ZNF704: variants seen among roughly 807,000 people sequenced by gnomAD.
ZNF704 encodes glucocorticoid induced gene 1.
Under a neutral mutation model 44.7 loss-of-function variants are expected in ZNF704, and 10 were observed. The ratio of observed to expected loss-of-function variants is 0.22; its 90% CI spans 0.14 to 0.38. The LOEUF (loss-of-function observed/expected upper bound fraction) is 0.38. Among genes scored for constraint, ZNF704 ranks in the 10% least tolerant of loss-of-function variants. The pLI is 1.00. For missense variants in ZNF704, 390 were observed against 545.5 expected (o/e 0.71, Z 2.84); for synonymous variants, 211 against 207.6 (o/e 1.02, Z -0.14).
chr8:80,683,761 A>C (rs1221910781), intron 4 of ZNF704, among the ~76,000 whole-genome samples: 3 of 152,212 alleles, frequency 2.0e-5, no homozygotes, highest in Non-Finnish European at 4.4e-5. Flanking sequence ...TTATCAGCAA[A>C]TATTTCCTCC....
At chr8:80,710,970 T>C (rs552698618) in intron 2 of ZNF704, among the ~76,000 whole-genome samples, 1 of 152,222 alleles carries the variant, frequency 6.6e-6, no homozygotes, top group African/African-American at 2.4e-5. Flanking sequence ...GTACCAGGCA[T>C]GTGAGCTGCA....
chr8:80,777,434 C>T (rs1807432930), intron 2 of ZNF704, among the ~76,000 whole-genome samples: 1 of 152,178 alleles, frequency 6.6e-6, no homozygotes, highest in Non-Finnish European at 1.5e-5. Context: ...GTCAAACCTA[C>T]AGAAAAGCTA....
Position 80,729,571 on chromosome 8 carries a change from T to C in ZNF704, c.222-36464A>G, listed in dbSNP as rs188183850. On this transcript the variant is annotated intron_variant, in intron 2 of 8. Transcript: ENST00000327835. ...GGTCCCAGAGAGTAATCCTGCTTCATTGAATTAAGTGGGAGTCAATCATTT... is the reference window on the plus strand; with the variant it reads ...GGTCCCAGAGAGTAATCCTGCTTCACTGAATTAAGTGGGAGTCAATCATTT... 1.3e-3 allele frequency among the ~76,000 whole-genome samples: 203 copies of C among 152,250 alleles called. 3 individuals are homozygous for C. The highest frequency in any genetic ancestry group is 4.6e-3 in the African/African-American group (191 of 41,538).
chr8:80,654,101 A>G (rs1331232665), intron 7 of ZNF704, among the ~76,000 whole-genome samples: 3 of 152,242 alleles, frequency 2.0e-5, no homozygotes, highest in Admixed American at 2.0e-4. Context: ...AGGATTCCCT[A>G]TTTAATAAAT....
intron 1 of ZNF704, among the ~76,000 whole-genome samples, chr8:80,828,811 T>G (rs1808421947): frequency 6.6e-6 from 1 of 152,222 alleles, no homozygotes; most frequent in South Asian, 2.1e-4. Context: ...ACATGCATGC[T>G]GAAGTCACTG....
At chr8:80,687,634 A>G (rs1818562750) in intron 3 of ZNF704, among the ~76,000 whole-genome samples, 176 bp from the exon 4 acceptor site, 2 of 152,166 alleles carry the variant, frequency 1.3e-5, no homozygotes, top group Admixed American at 1.3e-4. Flanking sequence ...CAAAAGCCAC[A>G]TTGTAGTTTA....
chr8:80,870,662 C>A (rs1194195038), intron 1 of ZNF704, among the ~76,000 whole-genome samples: 5 of 152,168 alleles, frequency 3.3e-5, no homozygotes, highest in Admixed American at 6.5e-5. Context: ...TGTTTGCTGG[C>A]TTCTCCATTT....
At chr8:80,820,925 A>G (rs1480104800) in intron 2 of ZNF704, among the ~76,000 whole-genome samples, 1 of 151,996 alleles carries the variant, frequency 6.6e-6, no homozygotes, top group Non-Finnish European at 1.5e-5. Flanking sequence ...AAAAAAAAAA[A>G]GTAAAACCAT....
chr8:80,804,470 T>C (rs1273892511), intron 2 of ZNF704, among the ~76,000 whole-genome samples: 2 of 152,220 alleles, frequency 1.3e-5, no homozygotes, highest in African/African-American at 2.4e-5. Flanking sequence ...GTGATACATA[T>C]ATACCATGGA....
chr8:80,738,378 A>G (rs889720374), intron 2 of ZNF704, among the ~76,000 whole-genome samples: 9 of 152,194 alleles, frequency 5.9e-5, no homozygotes, highest in African/African-American at 1.7e-4. Context: ...CTTTTGTAAA[A>G]AAGGTTTTTA....
At chr8:80,825,554 C>T (rs377689946) in intron 1 of ZNF704, among the ~76,000 whole-genome samples, 1 of 152,192 alleles carries the variant, frequency 6.6e-6, no homozygotes, top group Non-Finnish European at 1.5e-5. Context: ...AGGAATTGAA[C>T]TCAGCTCTGC....
chr8:80,687,097 G>A (rs543940506), intron 4 of ZNF704, 129 bp downstream of exon 4: 3 of 724,960 alleles, frequency 4.1e-6, no homozygotes, highest in South Asian at 3.6e-5. Context: ...CATTAAAGAG[G>A]AACGTAAGCT....
chr8:80,718,625 T>C (rs1159435505), intron 2 of ZNF704, among the ~76,000 whole-genome samples: 2 of 152,144 alleles, frequency 1.3e-5, no homozygotes, highest in Non-Finnish European at 2.9e-5. Context: ...CCAAGGCAGA[T>C]GAGAGTCATG....
chr8:80,876,242 C>T (rs1809354884), upstream of ZNF704, among the ~76,000 whole-genome samples: 1 of 152,088 alleles, frequency 6.6e-6, no homozygotes, highest in African/African-American at 2.4e-5. Context: ...TGTAAATATT[C>T]TGTTCAGGAA....
chr8:80,766,436 C>T (rs1213698579), intron 2 of ZNF704, among the ~76,000 whole-genome samples: 2 of 152,180 alleles, frequency 1.3e-5, no homozygotes, highest in Non-Finnish European at 2.9e-5. Flanking sequence ...TGTCTAGCTG[C>T]ACCCCTGTCC....
intron 2 of ZNF704, among the ~76,000 whole-genome samples, chr8:80,756,882 C>T (rs893017292): frequency 5.3e-5 from 8 of 152,130 alleles, no homozygotes; most frequent in Non-Finnish European, 8.8e-5. Flanking sequence ...GCTAGGCACA[C>T]GGGCAATTAG....
intron 1 of ZNF704, among the ~76,000 whole-genome samples, chr8:80,839,915 C>T (rs1469880135): frequency 6.6e-6 from 1 of 152,150 alleles, no homozygotes; most frequent in Non-Finnish European, 1.5e-5. Context: ...TTCTGCTCGT[C>T]TGTTAGAAGC....
chr8:80,881,822 G>A, the ZNF704 span, among the ~76,000 whole-genome samples: 31 of 152,254 alleles, frequency 2.0e-4, no homozygotes, highest in African/African-American at 6.5e-4. Context: ...CAGCTATTCG[G>A]GAGGCTGAGG....
At chr8:80,867,196 G>A (rs1809170091) in intron 1 of ZNF704, among the ~76,000 whole-genome samples, 1 of 152,188 alleles carries the variant, frequency 6.6e-6, no homozygotes, top group Admixed American at 6.5e-5. Flanking sequence ...AAAGCTCACA[G>A]GGAGCGGGGG....
Sources: gnomAD v4.1 joint callset for allele counts (sites outside exome capture counted in the v4.1 genomes callset) on GRCh38, gnomAD v4.1.1 for gene constraint, MANE v1.5 for transcripts, NCBI Gene and HGNC (gene_info 2026-07-23, HGNC 2026-07-21) for gene names.